MAGI2: variants seen among roughly 807,000 people sequenced by gnomAD.
The protein encoded by MAGI2 is membrane associated guanylate kinase, WW and PDZ domain containing 2.
A neutral mutation model predicts 133.3 loss-of-function variants in MAGI2; 35 were observed. That is an observed-to-expected ratio of 0.26 (90% CI 0.20 to 0.35). The LOEUF (loss-of-function observed/expected upper bound fraction) is 0.35. Ranked by LOEUF, MAGI2 falls within the 10% of genes least tolerant of loss-of-function variation. MAGI2 has a pLI of 1.00. For synonymous variants in MAGI2, 729 were observed against 710.6 expected, an observed-to-expected ratio of 1.03 and a Z score of -0.41; for missense variants, 1,636 against 1,863.4, an observed-to-expected ratio of 0.88 and a Z score of 2.25.
intron 2 of MAGI2, among the ~76,000 whole-genome samples, chr7:78,899,860 A>C (rs1451076878): frequency 1.3e-5 from 2 of 152,182 alleles, no homozygotes; most frequent in African/African-American, 2.4e-5. Flanking sequence ...TACATACAGG[A>C]AAAACATGTT....
chr7:78,733,602 G>C (rs577324194), intron 2 of MAGI2, among the ~76,000 whole-genome samples: 14 of 152,146 alleles, frequency 9.2e-5, no homozygotes, highest in African/African-American at 3.4e-4. Context: ...TAAGAAAAAT[G>C]CAGAGAAGTA....
intron 1 of MAGI2, among the ~76,000 whole-genome samples, chr7:79,031,533 T>C (rs1351558120): frequency 1.3e-5 from 2 of 152,194 alleles, no homozygotes; most frequent in African/African-American, 2.4e-5. Context: ...ATGACATTTA[T>C]ATTGAGAGCT....
intron 1 of MAGI2, among the ~76,000 whole-genome samples, chr7:79,252,417 G>C (rs1303571617): frequency 6.6e-6 from 1 of 152,102 alleles, no homozygotes; most frequent in African/African-American, 2.4e-5. Context: ...GAGATAGACA[G>C]TGGAATGATG....
At chr7:78,113,231 C>G (rs1819533893) in intron 20 of MAGI2, among the ~76,000 whole-genome samples, 1 of 152,042 alleles carries the variant, frequency 6.6e-6, no homozygotes, top group Non-Finnish European at 1.5e-5. Context: ...TCTGAAAGAC[C>G]ATGGGGTGCC....
intron 2 of MAGI2, among the ~76,000 whole-genome samples, chr7:78,763,791 A>G (rs1430354841): frequency 6.6e-6 from 1 of 152,140 alleles, no homozygotes; most frequent in Non-Finnish European, 1.5e-5. Context: ...AAACCCAACC[A>G]CTTAAATGGA....
rs538073208 is a variant in MAGI2 at position 78,990,789 on chromosome 7, T to G, written c.418+16301A>C. On this transcript the variant is annotated intron_variant, in intron 2 of 21. Transcript: ENST00000354212. Reference sequence around the variant, plus strand: ...GCATTAAAAATCTGTGTTCTATCATTTACCACCTATATGTAACCTTGAACT... The same window carrying G: ...GCATTAAAAATCTGTGTTCTATCATGTACCACCTATATGTAACCTTGAACT... 3.9e-5 allele frequency among the ~76,000 whole-genome samples: 6 copies of G among 152,160 alleles called. No homozygotes were observed. The South Asian group carries it at 1.2e-3, about 32-fold the overall frequency.
At chr7:79,248,358 A>T (rs957311333) in intron 1 of MAGI2, among the ~76,000 whole-genome samples, 7 of 152,224 alleles carry the variant, frequency 4.6e-5, no homozygotes, top group South Asian at 2.1e-4. Flanking sequence ...GGAACAACCC[A>T]GATTATAAAG....
intron 9 of MAGI2, among the ~76,000 whole-genome samples, chr7:78,340,201 A>T (rs565522978): frequency 6.6e-6 from 1 of 152,328 alleles, no homozygotes; most frequent in South Asian, 2.1e-4. Context: ...AAAACATGAC[A>T]ATGGGGATAG....
At position 78,239,961 on chromosome 7, in the gene MAGI2, AT is replaced by A. The variant is rs144026448; in HGVS notation, c.2047+15981del. 9.2e-5 allele frequency among the ~76,000 whole-genome samples: 14 copies of A among 151,374 alleles called. No homozygotes were observed. In the East Asian group the frequency reaches 2.1e-3, roughly 23 times the overall value. ...AAGAGATGCGTGCACTCCCATGTTT[AT>A]TTTTTTTTCTATTTGTTTCCTAGAA... On this transcript the variant is annotated intron_variant, in intron 10 of 21. Coordinates refer to ENST00000354212, the MANE Select transcript of MAGI2 (RefSeq NM_012301.4).
intron 1 of MAGI2, among the ~76,000 whole-genome samples, chr7:79,280,675 C>A (rs1384443175): frequency 1.3e-5 from 2 of 151,964 alleles, no homozygotes; most frequent in South Asian, 2.1e-4. Context: ...ATGCCTGTAA[C>A]CCCAGTATTT....
intron 6 of MAGI2, among the ~76,000 whole-genome samples, chr7:78,481,781 T>G (rs1792406100): frequency 6.6e-6 from 1 of 151,718 alleles, no homozygotes; most frequent in South Asian, 2.1e-4. Flanking sequence ...CACAACAGAC[T>G]TAAACATAAA....
intron 1 of MAGI2, among the ~76,000 whole-genome samples, chr7:79,067,676 T>C (rs559070999): frequency 1.8e-4 from 27 of 152,220 alleles, no homozygotes; most frequent in Non-Finnish European, 3.8e-4. Context: ...CATCCTTGTC[T>C]TGTACCAGTT....
chr7:78,643,684 G>T (rs1021745600), intron 2 of MAGI2, among the ~76,000 whole-genome samples: 5 of 152,024 alleles, frequency 3.3e-5, no homozygotes, highest in African/African-American at 1.2e-4. Flanking sequence ...ATGGTTTAAA[G>T]TAAAAGTAAT....
chr7:78,699,348 G>T (rs2151144101), intron 2 of MAGI2, among the ~76,000 whole-genome samples: 1 of 152,228 alleles, frequency 6.6e-6, no homozygotes, highest in Non-Finnish European at 1.5e-5. Flanking sequence ...CCATCCTCCT[G>T]CCTCGGCCTC....
At chr7:78,431,761 T>C (rs1799815858) in intron 6 of MAGI2, among the ~76,000 whole-genome samples, 1 of 152,078 alleles carries the variant, frequency 6.6e-6, no homozygotes, top group Non-Finnish European at 1.5e-5. Context: ...ATGGGTTGAG[T>C]GCATATACTC....
At chr7:78,656,989 TAAA>T (rs5885084) in intron 2 of MAGI2, among the ~76,000 whole-genome samples, 1 of 104,070 alleles carries the variant, frequency 9.6e-6, no homozygotes, top group Non-Finnish European at 2.0e-5. Context: ...AAACCCAGTA[TAAA>T]AAAAAAAAAA....
At chr7:78,438,791 C>T (rs576716187) in intron 6 of MAGI2, among the ~76,000 whole-genome samples, 1 of 152,238 alleles carries the variant, frequency 6.6e-6, no homozygotes, top group East Asian at 1.9e-4. Flanking sequence ...CTGGATTTTG[C>T]CCCATCTTTT....
chr7:79,184,105 T>C (rs1169780153), intron 1 of MAGI2, among the ~76,000 whole-genome samples: 2 of 151,796 alleles, frequency 1.3e-5, no homozygotes, highest in Non-Finnish European at 2.9e-5. Context: ...TATTAATGTA[T>C]TGTGTATTTC....
chr7:78,112,489 G>A (rs1203909809), intron 20 of MAGI2, among the ~76,000 whole-genome samples: 1 of 152,144 alleles, frequency 6.6e-6, no homozygotes, highest in East Asian at 1.9e-4. Flanking sequence ...AGTGAGGCAC[G>A]TTATAAAAAA....
Sources: allele counts gnomAD v4.1 joint callset (sites outside exome capture counted in the v4.1 genomes callset), GRCh38; gene constraint gnomAD v4.1.1; transcripts MANE v1.5; gene names NCBI Gene and HGNC (gene_info 2026-07-23, HGNC 2026-07-21).